Variants in GRID1 observed in about 807,000 individuals in gnomAD.
The protein encoded by GRID1 is glutamate receptor ionotropic, delta-1.
Under a neutral mutation model 98.0 loss-of-function variants are expected in GRID1, and 28 were observed. The ratio of observed to expected loss-of-function variants is 0.29; its 90% CI spans 0.21 to 0.39. GRID1 has a LOEUF of 0.39. Ranked by LOEUF, GRID1 falls within the 10% of genes least tolerant of loss-of-function variation. The pLI is 1.00. For missense variants in GRID1, 1,111 were observed against 1,340.5 expected (o/e 0.83, Z 2.67); for synonymous variants, 553 against 538.5 (o/e 1.03, Z -0.37).
intron 5 of GRID1, among the ~76,000 whole-genome samples, chr10:85,915,528 TAC>T (rs57915300): frequency 0.044 from 6,662 of 151,128 alleles, 319 homozygotes; most frequent in East Asian, 0.19. Flanking sequence ...GACACACATA[TAC>T]ACACACATAC....
chr10:86,002,702 G>A (rs147527118), intron 4 of GRID1, among the ~76,000 whole-genome samples: 30 of 152,206 alleles, frequency 2.0e-4, no homozygotes, highest in African/African-American at 3.6e-4. Flanking sequence ...GTTGAACTAC[G>A]CACATATTTT....
At position 85,634,287 on chromosome 10, in the gene GRID1, TCTCTCA is replaced by T. The variant is rs1329797964; in HGVS notation, c.2193+12909_2193+12914del. On this transcript the variant is annotated intron_variant, in intron 13 of 15. Coordinates refer to ENST00000327946, the MANE Select transcript of GRID1 (RefSeq NM_017551.3). ...CTCTCTCTCTCTCTCTCTCTCTCTC[TCTCTCA>T]CACACACACACACACACACACAGAC... 4.3e-3 allele frequency among the ~76,000 whole-genome samples: 555 copies of T among 129,220 alleles called. 3 individuals are homozygous for T. Among genetic ancestry groups the T allele is most frequent in the African/African-American group, 0.015 (480 of 32,140 alleles). The allele number at this position is 129,220 out of a possible 152,430, so 84.8% of individuals were successfully genotyped here.
rs182089585 is a variant in GRID1 at position 85,922,478 on chromosome 10, C to A, written c.727-6239G>T. 3.3e-5 allele frequency among the ~76,000 whole-genome samples: 5 copies of A among 152,328 alleles called. No individual in the cohort carries two copies. In the East Asian group the frequency reaches 9.6e-4, roughly 29 times the overall value. ...CACTTATCTAGGCATCCCCCCAACACTGGGAGCCTGAGATAATGAAAGCTT... is the reference window on the plus strand; with the variant it reads ...CACTTATCTAGGCATCCCCCCAACAATGGGAGCCTGAGATAATGAAAGCTT... On this transcript the variant is annotated intron_variant, in intron 4 of 15. Coordinates refer to ENST00000327946, the MANE Select transcript of GRID1 (RefSeq NM_017551.3).
At chr10:86,153,050 C>T (rs1489348463) in intron 3 of GRID1, among the ~76,000 whole-genome samples, 1 of 152,212 alleles carries the variant, frequency 6.6e-6, no homozygotes, top group Non-Finnish European at 1.5e-5. Flanking sequence ...GCCACCACCC[C>T]TCATTGTGGG....
At chr10:85,881,056 C>A (rs999774297) in intron 5 of GRID1, among the ~76,000 whole-genome samples, 1 of 152,134 alleles carries the variant, frequency 6.6e-6, no homozygotes, top group Admixed American at 6.5e-5. Flanking sequence ...CCTAGGAATC[C>A]AACTTACAAG....
At chr10:85,990,316 T>C (rs1842664793) in intron 4 of GRID1, among the ~76,000 whole-genome samples, 1 of 152,178 alleles carries the variant, frequency 6.6e-6, no homozygotes. Flanking sequence ...TAAATGAATT[T>C]TATTCTTACA....
At chr10:85,750,632 A>T (rs1420198268) in intron 8 of GRID1, among the ~76,000 whole-genome samples, 1 of 152,192 alleles carries the variant, frequency 6.6e-6, no homozygotes, top group Non-Finnish European at 1.5e-5. Flanking sequence ...AAATGAGCAC[A>T]ATGACAATAC....
Position 86,362,598 on chromosome 10 carries a change from A to C in GRID1, c.235+1343T>G, listed in dbSNP as rs561574396. ...AATCCTTGGACCTTCAGTCCCCAGA[A>C]GTAGTCCCCGGTCCCTGCCCCCAGA... On this transcript the variant is annotated intron_variant, in intron 2 of 15. Coordinates refer to ENST00000327946, the MANE Select transcript of GRID1 (RefSeq NM_017551.3). Among the ~76,000 whole-genome samples the C allele has an allele frequency of 4.6e-5, 7 of 152,274 alleles. No individual in the cohort carries two copies. In the South Asian group the frequency reaches 1.5e-3, roughly 32 times the overall value.
intron 3 of GRID1, among the ~76,000 whole-genome samples, chr10:86,151,377 A>T (rs1344889394): frequency 6.6e-6 from 1 of 151,968 alleles, no homozygotes; most frequent in Admixed American, 6.6e-5. Context: ...CCAACCCTGG[A>T]TCTGTCTACT....
intron 2 of GRID1, among the ~76,000 whole-genome samples, chr10:86,249,935 T>G (rs1846793788): frequency 6.6e-6 from 1 of 151,570 alleles, no homozygotes; most frequent in Admixed American, 6.6e-5. Context: ...GGTGGGTAGA[T>G]GGATGGATAG....
chr10:85,879,289 A>G (rs1169760155), intron 5 of GRID1, among the ~76,000 whole-genome samples: 1 of 151,984 alleles, frequency 6.6e-6, no homozygotes, highest in Non-Finnish European at 1.5e-5. Flanking sequence ...CATCTACAGA[A>G]CTCTCCACCC....
intron 12 of GRID1, among the ~76,000 whole-genome samples, chr10:85,706,693 G>A (rs1032783013): frequency 3.3e-5 from 5 of 152,140 alleles, no homozygotes; most frequent in African/African-American, 9.7e-5. Context: ...GAGGCATCAT[G>A]CTACCTGACT....
chr10:86,355,567 C>T (rs962323672), intron 2 of GRID1, among the ~76,000 whole-genome samples: 1 of 152,206 alleles, frequency 6.6e-6, no homozygotes, highest in Non-Finnish European at 1.5e-5. Context: ...ACAGCTTGGA[C>T]CTAGAAACGG....
chr10:86,340,332 A>T (rs874758), intron 2 of GRID1, among the ~76,000 whole-genome samples: 1 of 152,046 alleles, frequency 6.6e-6, no homozygotes, highest in African/African-American at 2.4e-5. Context: ...GGCTAAGGCA[A>T]CGCTTCCCTA....
intron 2 of GRID1, among the ~76,000 whole-genome samples, chr10:86,346,612 C>T (rs777439694): frequency 3.9e-5 from 6 of 152,258 alleles, no homozygotes; most frequent in Admixed American, 1.3e-4. Flanking sequence ...GCGGAGCAGA[C>T]GCTGCCCAGG....
Position 85,613,614 on chromosome 10 carries a change from A to G in GRID1, c.2394T>C (p.Asp798=), listed in dbSNP as rs1399628552. 6.2e-7 allele frequency: 1 copy of G among 1,613,996 alleles called. No individual in the cohort carries two copies. Among genetic ancestry groups the G allele is most frequent in the African/African-American group, 1.3e-5 (1 of 74,934 alleles). Residue 798 remains aspartate (D), a synonymous_variant, in exon 15 of 16, where the codon GAT becomes GAC. Coordinates refer to ENST00000327946, the MANE Select transcript of GRID1 (RefSeq NM_017551.3). ...ILELQDTGDL[D]VLKQKWWPHM... ...GCGGCCACCACTTCTGCTTCAGCAC[A>G]TCCAGGTCCCCTGTGTCCTGCAGCT... is the stretch of plus-strand genomic sequence containing the variant.
intron 8 of GRID1, among the ~76,000 whole-genome samples, chr10:85,820,127 GAGAAAGAAAGAAAC>G (rs1842755139): frequency 1.0e-5 from 1 of 98,610 alleles, no homozygotes; most frequent in Admixed American, 9.9e-5. Context: ...AGAAAGAAGG[GAGAAAGAAAGAAAC>G]AGAAAGAAAG....
intron 12 of GRID1, among the ~76,000 whole-genome samples, chr10:85,677,352 A>C (rs879369310): frequency 3.3e-5 from 5 of 152,216 alleles, no homozygotes; most frequent in African/African-American, 9.7e-5. Flanking sequence ...AGGGACAGGC[A>C]TGAGGCATCC....
chr10:86,255,929 G>A (rs1158542945), intron 2 of GRID1, among the ~76,000 whole-genome samples: 2 of 152,052 alleles, frequency 1.3e-5, no homozygotes, highest in Non-Finnish European at 2.9e-5. Context: ...ACCACTACAC[G>A]GCCTCCCCCA....
Sources: gnomAD v4.1 joint callset for allele counts (sites outside exome capture counted in the v4.1 genomes callset) on GRCh38, gnomAD v4.1.1 for gene constraint, MANE v1.5 for transcripts, NCBI Gene and HGNC (gene_info 2026-07-23, HGNC 2026-07-21) for gene names.